PLA2R1: variants seen among roughly 807,000 people sequenced by gnomAD.
PLA2R1 encodes phospholipase A2 receptor 1, also known as secretory phospholipase A2 receptor.
A neutral mutation model predicts 195.9 loss-of-function variants in PLA2R1; 158 were observed. That is an observed-to-expected ratio of 0.81 (90% confidence interval 0.71 to 0.92). PLA2R1 has a LOEUF of 0.92. Ranked by LOEUF, PLA2R1 falls within the 40% of genes least tolerant of loss-of-function variation. The probability of loss-of-function intolerance (pLI) is 0.00; values close to 1 mark genes in which losing one functional copy is unlikely to be tolerated. For missense variants in PLA2R1, 1,626 were observed against 1,764.6 expected (o/e 0.92, Z 1.41); for synonymous variants, 586 against 598.2 (o/e 0.98, Z 0.30).
intron 2 of PLA2R1, among the ~76,000 whole-genome samples, chr2:160,044,386 A>G (rs560843441): frequency 6.6e-6 from 1 of 152,292 alleles, no homozygotes; most frequent in Non-Finnish European, 1.5e-5. Context: ...AATAAGAGAA[A>G]TGGCGGCAGG....
Position 160,062,368 on chromosome 2 carries a change from C to A in PLA2R1, c.36G>T (p.Leu12=). Residue 12 remains leucine, a synonymous_variant, in exon 1 of 30, where the codon CTG becomes CTT. Coordinates refer to ENST00000283243, the MANE Select transcript of PLA2R1 (RefSeq NM_007366.5). Reference sequence around the variant, plus strand: ...CGGCGCAGCCCCGCGGCGCCCCCAGCAGCAGCAGCAGCAGCAGCGACGGCG... The same window carrying A: ...CGGCGCAGCCCCGCGGCGCCCCCAGAAGCAGCAGCAGCAGCAGCGACGGCG... ...LLSPSLLLLL[L]LGAPRGCAEG... is the part of the protein sequence containing the mutation. 1 of 1,534,534 alleles carries A rather than the reference C, an allele frequency of 6.5e-7. No homozygotes were observed. Among genetic ancestry groups the A allele is most frequent in the Non-Finnish European group, 8.8e-7 (1 of 1,139,472 alleles).
At chr2:159,974,752 A>G (rs7584941) in intron 17 of PLA2R1, among the ~76,000 whole-genome samples, 130,502 of 152,120 alleles carry the variant, frequency 0.86, 56,202 homozygotes, top group African/African-American at 0.92. Context: ...CTGAGTGTCT[A>G]TGGGACCATG....
intron 3 of PLA2R1, among the ~76,000 whole-genome samples, chr2:160,038,887 C>T (rs377413628): frequency 1.3e-4 from 20 of 151,942 alleles, no homozygotes; most frequent in African/African-American, 3.4e-4. Context: ...AGGCGGGCGG[C>T]GACAGAGTCT....
chr2:159,941,629 T>C lies in PLA2R1; in HGVS notation c.*149A>G, dbSNP rs1163813704. 1 of 559,244 alleles carries C rather than the reference T, an allele frequency of 1.8e-6. No individual in the cohort carries two copies. Among genetic ancestry groups the C allele is most frequent in the African/African-American group, 1.9e-5 (1 of 52,974 alleles). 34.6% of individuals were successfully genotyped at this position (559,244 alleles called of 1,614,324 possible). On this transcript the variant is annotated 3_prime_UTR_variant, in exon 30 of 30. Coordinates refer to ENST00000283243, the MANE Select transcript of PLA2R1 (RefSeq NM_007366.5). ...AAAACCCATCTGATTTGGTTAAGAT[T>C]CAAAACCAGTAATCACTTCAAGAAT... is the stretch of plus-strand genomic sequence containing the variant.
In PLA2R1 at chr2:159,987,278, C is replaced by T. The variant is rs1690417557; in HGVS notation, c.1915G>A (p.Ala639Thr). 1.9e-6 allele frequency: 3 copies of T among 1,613,152 alleles called. No individual in the cohort carries two copies. Among genetic ancestry groups the T allele is most frequent in the African/African-American group, 1.3e-5 (1 of 75,016 alleles). The change falls in exon 12 of 30, where the codon GCA becomes ACA. Residue 639 changes from alanine to threonine, a missense_variant. Ala to Thr is a moderately conservative substitution (Grantham distance 58). Coordinates refer to ENST00000283243, the MANE Select transcript of PLA2R1 (RefSeq NM_007366.5). ...WEVKHCRHFKAMSLCKQPVEN... is the reference protein window; with the variant it reads ...WEVKHCRHFKTMSLCKQPVEN... ...ACTGGCTGCTTGCACAAGGACATTG[C>T]CTTAAAGTGCCGACAGTGCTTCACT...
At chr2:159,942,248 G>A in intron 28 of PLA2R1, 89 bp from the exon 29 acceptor site, 7 of 904,228 alleles carry the variant, frequency 7.7e-6, no homozygotes, top group Middle Eastern at 3.4e-4. Context: ...GCAAACTATG[G>A]CCCATGACCC....
intron 11 of PLA2R1, among the ~76,000 whole-genome samples, chr2:159,992,117 C>T (rs573467796): frequency 6.8e-6 from 1 of 147,934 alleles, no homozygotes; most frequent in East Asian, 2.0e-4. Context: ...ACATCCTCTC[C>T]AGCACCTGTT....
At chr2:159,928,055 T>C (rs1486674300), downstream of PLA2R1, among the ~76,000 whole-genome samples, 1 of 152,196 alleles carries the variant, frequency 6.6e-6, no homozygotes, top group African/African-American at 2.4e-5. Context: ...TGTGTGGAGA[T>C]GGACTGGAAC....
intron 11 of PLA2R1, among the ~76,000 whole-genome samples, chr2:159,990,777 T>C (rs1254529290): frequency 1.3e-5 from 2 of 152,198 alleles, no homozygotes; most frequent in African/African-American, 4.8e-5. Context: ...TGCCTGATTA[T>C]GCAGTTGGAA....
At chr2:159,947,666 G>T in intron 25 of PLA2R1, 107 bp from the exon 26 acceptor site, 2 of 1,053,054 alleles carry the variant, frequency 1.9e-6, no homozygotes, top group Non-Finnish European at 2.8e-6. Flanking sequence ...TATGTAACAA[G>T]ATTTTCATGG....
At chr2:159,982,381 T>C (rs1407543426) in intron 13 of PLA2R1, among the ~76,000 whole-genome samples, 1 of 152,204 alleles carries the variant, frequency 6.6e-6, no homozygotes, top group Non-Finnish European at 1.5e-5. Flanking sequence ...CCAAGTGTGA[T>C]GAGCAGCCAG....
rs79660902 is a variant in PLA2R1 at position 160,043,751 on chromosome 2, A to G, written c.493+1023T>C. Among the ~76,000 whole-genome samples, 1,316 of 152,336 alleles carry G rather than the reference A, an allele frequency of 8.6e-3. 21 individuals carry two copies. The highest frequency in any genetic ancestry group is 0.03 in the African/African-American group (1,245 of 41,572). On this transcript the variant is annotated intron_variant, in intron 2 of 29. Transcript: ENST00000283243. Reference sequence around the variant, plus strand: ...CTCTTCAGAACTGTAGATTATTCAGAGTGCTGGTTTGCAGCACTTGCTTTA... The same window carrying G: ...CTCTTCAGAACTGTAGATTATTCAGGGTGCTGGTTTGCAGCACTTGCTTTA...
chr2:160,058,746 G>A (rs1448790015), intron 1 of PLA2R1, among the ~76,000 whole-genome samples: 1 of 151,760 alleles, frequency 6.6e-6, no homozygotes, highest in East Asian at 1.9e-4. Context: ...CTAAAATCAG[G>A]CTCCTTGGAA....
intron 12 of PLA2R1, 150 bp from the exon 13 acceptor site, chr2:159,984,223 T>A: frequency 2.1e-6 from 1 of 483,400 alleles, no homozygotes; most frequent in Non-Finnish European, 3.7e-6. Context: ...TTTACTGAAT[T>A]AGAATGTGCC....
rs1253181521 is a variant in PLA2R1 at position 159,936,834 on chromosome 2, C to T, written c.*4944G>A. The T allele has an allele frequency of 1.3e-5, 2 of 152,188 alleles. No individual in the cohort carries two copies. Among genetic ancestry groups the T allele is most frequent in the Non-Finnish European group, 2.9e-5 (2 of 68,042 alleles). The allele number at this position is 152,188 out of a possible 1,614,324, so 9.4% of individuals were successfully genotyped here. On this transcript the variant is annotated 3_prime_UTR_variant, in exon 30 of 30. Transcript: ENST00000283243. ...AGTGTCCTGACCATAGCAGGCTTCG[C>T]ATGATCAATAAATTAACTTCTGAGT...
chr2:159,987,119 G>A (rs1280466541), intron 12 of PLA2R1, 37 bp downstream of exon 12: 3 of 1,454,998 alleles, frequency 2.1e-6, no homozygotes, highest in Non-Finnish European at 2.9e-6. Context: ...AAATAGTGTT[G>A]GTCCTGTTAA....
chr2:160,010,338 G>C (rs1692278436), intron 10 of PLA2R1, among the ~76,000 whole-genome samples: 1 of 152,160 alleles, frequency 6.6e-6, no homozygotes, highest in African/African-American at 2.4e-5. Context: ...GGCCAGGCCT[G>C]AAAAAATTTT....
At chr2:160,022,894 A>G in intron 6 of PLA2R1, 35 bp from the exon 7 acceptor site, 1 of 1,437,248 alleles carries the variant, frequency 7.0e-7, no homozygotes, top group Non-Finnish European at 9.6e-7. Flanking sequence ...GTCATTTTCC[A>G]CAATTATTTT....
chr2:160,046,330 C>G (rs1347682402), intron 1 of PLA2R1, among the ~76,000 whole-genome samples: 1 of 152,146 alleles, frequency 6.6e-6, no homozygotes, highest in Non-Finnish European at 1.5e-5. Context: ...ATTTTACTTC[C>G]TGTCTATTCT....
Sources: gnomAD v4.1 joint callset for allele counts (sites outside exome capture counted in the v4.1 genomes callset) on GRCh38, gnomAD v4.1.1 for gene constraint, MANE v1.5 for transcripts, NCBI Gene and HGNC (gene_info 2026-07-23, HGNC 2026-07-21) for gene names.